The following HNRNPLL variants were observed in gnomAD, a reference collection of about 807,000 sequenced individuals.
HNRNPLL encodes the protein heterogeneous nuclear ribonucleoprotein L-like.
A neutral mutation model predicts 67.1 loss-of-function variants in HNRNPLL; 25 were observed. That is an observed-to-expected ratio of 0.37 (90% CI 0.27 to 0.52). The LOEUF (loss-of-function observed/expected upper bound fraction) is 0.52. Ranked by LOEUF, HNRNPLL falls within the 20% of genes least tolerant of loss-of-function variation. The pLI is 0.90. For missense variants in HNRNPLL, 542 were observed against 673.9 expected (o/e 0.80, Z 2.17); for synonymous variants, 267 against 241.7 (o/e 1.10, Z -0.97).
chr2:38,601,199 G>A (rs1323828642), intron 1 of HNRNPLL, among the ~76,000 whole-genome samples: 4 of 152,134 alleles, frequency 2.6e-5, no homozygotes, highest in Non-Finnish European at 5.9e-5. Context: ...AGCTAACACC[G>A]TAACAAGACT....
chr2:38,573,196 A>T lies in HNRNPLL; in HGVS notation c.1092+14T>A, dbSNP rs1479404801. ...ATATCCTAGCAAAAGAAACCAATAT[A>T]AAGAGAAACTTACCTTCTCAATATT... On this transcript the variant is annotated intron_variant, in intron 8 of 12. Transcript: ENST00000449105. The T allele has an allele frequency of 1.3e-6, 2 of 1,551,710 alleles. No homozygotes were observed. The highest frequency in any genetic ancestry group is 1.8e-6 in the Non-Finnish European group (2 of 1,138,768).
At chr2:38,578,810 T>C (rs1216883961) in intron 6 of HNRNPLL, among the ~76,000 whole-genome samples, 1 of 152,098 alleles carries the variant, frequency 6.6e-6, no homozygotes, top group African/African-American at 2.4e-5. Flanking sequence ...CTACCCCATT[T>C]AGGGCCTTAC....
At chr2:38,599,170 G>C (rs1667324565) in intron 1 of HNRNPLL, among the ~76,000 whole-genome samples, 1 of 152,190 alleles carries the variant, frequency 6.6e-6, no homozygotes, top group Admixed American at 6.5e-5. Flanking sequence ...GAAATCCTAG[G>C]AGCAACAATT....
intron 6 of HNRNPLL, among the ~76,000 whole-genome samples, chr2:38,579,410 A>C (rs1225485695): frequency 6.6e-6 from 1 of 151,848 alleles, no homozygotes; most frequent in Non-Finnish European, 1.5e-5. Flanking sequence ...AAAGTATAAT[A>C]ATAATAAAAT....
intron 1 of HNRNPLL, 71 bp downstream of exon 1, chr2:38,602,367 G>C (rs1335466703): frequency 1.4e-5 from 20 of 1,414,802 alleles, no homozygotes; most frequent in Non-Finnish European, 1.9e-5. Context: ...GCAAGCGGGA[G>C]GCCCCGCACC....
chr2:38,567,587 T>C (rs1457667627), intron 12 of HNRNPLL, among the ~76,000 whole-genome samples: 2 of 152,188 alleles, frequency 1.3e-5, no homozygotes, highest in Non-Finnish European at 2.9e-5. Context: ...TCAGCAGGGA[T>C]TGTGGAAGCT....
chr2:38,565,980 CTTT>C, intron 12 of HNRNPLL: 1 of 920,394 alleles, frequency 1.1e-6, no homozygotes, highest in Non-Finnish European at 1.3e-6. Context: ...TTTTTTTTCT[CTTT>C]TTTAAACCAT....
At chr2:38,599,893 C>G in intron 1 of HNRNPLL, 1 of 471,258 alleles carries the variant, frequency 2.1e-6, no homozygotes, top group South Asian at 1.6e-5. Flanking sequence ...ATCATTGTAC[C>G]TAACCTGCAT....
At chr2:38,601,985 G>C (rs1250479941) in intron 1 of HNRNPLL, 10 of 181,130 alleles carry the variant, frequency 5.5e-5, no homozygotes, top group African/African-American at 2.4e-4. Flanking sequence ...GACCGAGGCG[G>C]AGAGAGCTCC....
chr2:38,594,931 C>A (rs1449500948), intron 1 of HNRNPLL, among the ~76,000 whole-genome samples: 1 of 149,114 alleles, frequency 6.7e-6, no homozygotes, highest in Non-Finnish European at 1.5e-5. Flanking sequence ...GCAACAGAGC[C>A]TCCATCTCAA....
intron 6 of HNRNPLL, 96 bp downstream of exon 6, chr2:38,581,815 ATT>A: frequency 1.2e-6 from 1 of 800,054 alleles, no homozygotes; most frequent in Non-Finnish European, 2.1e-6. Flanking sequence ...CAAGGTTTTC[ATT>A]TGAATTAACT....
At chr2:38,582,191 G>A (rs377599163) in intron 4 of HNRNPLL, 23 bp from the exon 5 acceptor site, 156 of 1,535,640 alleles carry the variant, frequency 1.0e-4, no homozygotes, top group Non-Finnish European at 1.3e-4. Context: ...AAGGAAATTC[G>A]GTTTAAGGTA....
Position 38,562,595 on chromosome 2 carries a change from C to T in HNRNPLL, c.*1587G>A, listed in dbSNP as rs1196951130. Reference sequence around the variant, plus strand: ...AAGCTTTATTGTAAAGTTAGATAAACTTAGGTATTAAATTGGCAATGAATA... The same window carrying T: ...AAGCTTTATTGTAAAGTTAGATAAATTTAGGTATTAAATTGGCAATGAATA... On this transcript the variant is annotated 3_prime_UTR_variant, in exon 13 of 13. Transcript: ENST00000449105. 4 of 152,012 alleles carry T rather than the reference C, an allele frequency of 2.6e-5. No homozygotes were observed. The highest frequency in any genetic ancestry group is 9.7e-5 in the African/African-American group (4 of 41,388). The allele number at this position is 152,012 out of a possible 1,614,324, so 9.4% of individuals were successfully genotyped here. A position where few individuals can be genotyped will look rare whatever the true frequency, so the allele number is the denominator to read the frequency against.
chr2:38,585,904 AAC>A (rs1479924060), intron 2 of HNRNPLL, 23 bp from the exon 3 acceptor site: 1 of 1,308,018 alleles, frequency 7.6e-7, no homozygotes, highest in Non-Finnish European at 1.1e-6. Flanking sequence ...AAAAGGAGGA[AAC>A]ACACAAACAC....
intron 8 of HNRNPLL, among the ~76,000 whole-genome samples, chr2:38,571,251 T>C (rs555030762): frequency 2.2e-4 from 33 of 152,046 alleles, no homozygotes; most frequent in Non-Finnish European, 3.2e-4. Context: ...AATAGAAAAA[T>C]TATAAATGAT....
chr2:38,583,487 A>T (rs1191317365), intron 4 of HNRNPLL, among the ~76,000 whole-genome samples: 1 of 152,158 alleles, frequency 6.6e-6, no homozygotes, highest in African/African-American at 2.4e-5. Flanking sequence ...AAGGTTCAAT[A>T]AAAAAAGGTA....
intron 1 of HNRNPLL, among the ~76,000 whole-genome samples, chr2:38,593,508 A>C (rs1446784924): frequency 6.6e-6 from 1 of 152,256 alleles, no homozygotes; most frequent in Non-Finnish European, 1.5e-5. Context: ...AAAGGACGAC[A>C]GAAAACTGTA....
chr2:38,568,412 A>G lies in HNRNPLL; in HGVS notation c.1448T>C (p.Ile483Thr), dbSNP rs200810217. 2.4e-4 allele frequency: 381 copies of G among 1,608,632 alleles called. No individual in the cohort carries two copies. Among genetic ancestry groups the G allele is most frequent in the South Asian group, 4.2e-4 (38 of 90,496 alleles). ...LCNDHEVLTF[I>T]KYKVFDAKPS... ...TTTTGCATCAAACACTTTATATTTG[A>G]TGAATGTAAGAACTTCATGGTCATT... is the stretch of plus-strand genomic sequence containing the variant. The change falls in exon 11 of 13, where the codon ATC (isoleucine) becomes ACC (threonine). Residue 483 changes from isoleucine (I) to threonine (T), a missense_variant. Ile to Thr is a moderately conservative substitution (Grantham distance 89, BLOSUM62 -1). Coordinates refer to ENST00000449105, the MANE Select transcript of HNRNPLL (RefSeq NM_138394.4).
At chr2:38,598,493 G>T (rs1036889086) in intron 1 of HNRNPLL, among the ~76,000 whole-genome samples, 1 of 152,186 alleles carries the variant, frequency 6.6e-6, no homozygotes, top group Admixed American at 6.5e-5. Flanking sequence ...CATCTGAGTT[G>T]TTGCTGTGGC....
Sources: allele counts gnomAD v4.1 joint callset (sites outside exome capture counted in the v4.1 genomes callset), GRCh38; gene constraint gnomAD v4.1.1; transcripts MANE v1.5; gene names NCBI Gene and HGNC (gene_info 2026-07-23, HGNC 2026-07-21).